The following MGMT variants were observed in gnomAD, a reference collection of about 807,000 sequenced individuals.
MGMT encodes the protein methylated-DNA--protein-cysteine methyltransferase.
A neutral mutation model predicts 15.9 loss-of-function variants in MGMT; 14 were observed. That is an observed-to-expected ratio of 0.88 (90% confidence interval 0.58 to 1.37). The LOEUF (loss-of-function observed/expected upper bound fraction) is 1.37, where lower values mean the gene tolerates loss of function less well. MGMT is among the 40% of genes most tolerant of loss of function. The probability of loss-of-function intolerance (pLI) is 0.00; values close to 1 mark genes in which losing one functional copy is unlikely to be tolerated. For missense variants in MGMT, 282 were observed against 268.1 expected, an observed-to-expected ratio of 1.05 and a Z score of -0.36; for synonymous variants, 130 against 118.2, an observed-to-expected ratio of 1.10 and a Z score of -0.65.
chr10:129,690,178 C>G (rs1219665148), intron 2 of MGMT, among the ~76,000 whole-genome samples: 5 of 152,208 alleles, frequency 3.3e-5, no homozygotes, highest in Non-Finnish European at 7.4e-5. Context: ...GTTTATATCA[C>G]ATATTTACTT....
At chr10:129,630,695 G>A (rs479478) in intron 2 of MGMT, among the ~76,000 whole-genome samples, 62,014 of 151,976 alleles carry the variant, frequency 0.41, 13,805 homozygotes, top group East Asian at 0.63. Context: ...CCGAGACGCC[G>A]TCTCTCAAGG....
intron 2 of MGMT, among the ~76,000 whole-genome samples, chr10:129,583,419 C>T (rs1192436459): frequency 6.6e-6 from 1 of 152,160 alleles, no homozygotes; most frequent in East Asian, 1.9e-4. Context: ...TTTTTGAAGG[C>T]AAATACTTTT....
chr10:129,639,589 C>T (rs902154806), intron 2 of MGMT, among the ~76,000 whole-genome samples: 2 of 152,100 alleles, frequency 1.3e-5, no homozygotes, highest in Non-Finnish European at 2.9e-5. Context: ...CTTAGTAACC[C>T]ATCATTCAAA....
At chr10:129,503,177 T>C (rs1429567328) in intron 1 of MGMT, among the ~76,000 whole-genome samples, 1 of 151,968 alleles carries the variant, frequency 6.6e-6, no homozygotes, top group East Asian at 1.9e-4. Context: ...TTATGAAGAA[T>C]GATGGATGAT....
At position 129,589,317 on chromosome 10, in the gene MGMT, G is replaced by A. The variant is rs143079627; in HGVS notation, c.125+52940G>A. ...TGGCTGGGGTGGGGACAAAGTGTGT[G>A]TTGTCCCTTCATCACGGGAGTGTGG... On this transcript the variant is annotated intron_variant, in intron 2 of 4. Coordinates refer to ENST00000651593, the MANE Select transcript of MGMT (RefSeq NM_002412.5). Among the ~76,000 whole-genome samples the A allele has an allele frequency of 4.5e-3, 681 of 152,332 alleles. 1 individual carries two copies. Among genetic ancestry groups the A allele is most frequent in the Non-Finnish European group, 5.9e-3 (403 of 68,044 alleles).
chr10:129,556,458 A>G lies in MGMT; in HGVS notation c.125+20081A>G, dbSNP rs564964126. Among the ~76,000 whole-genome samples, 2 of 152,230 alleles carry G rather than the reference A, an allele frequency of 1.3e-5. No individual in the cohort carries two copies. Among genetic ancestry groups the G allele is most frequent in the Non-Finnish European group, 2.9e-5 (2 of 68,012 alleles). On this transcript the variant is annotated intron_variant, in intron 2 of 4. Transcript: ENST00000651593. This position sits in a 1 kb window ranked among gnomAD's most constrained non-coding sequence, Gnocchi z 4.3. ...GCAAGCCAAGGAGAGAGCGCCTTGG[A>G]GAAAACCAGCTGTGCCTACACCTTG...
At chr10:129,526,680 A>G (rs2119738399) in intron 1 of MGMT, among the ~76,000 whole-genome samples, 1 of 152,242 alleles carries the variant, frequency 6.6e-6, no homozygotes. Context: ...GTGTGTTTTC[A>G]TTGCACAGGA....
At chr10:129,744,148 G>A (rs991716777) in intron 3 of MGMT, among the ~76,000 whole-genome samples, 11 of 152,220 alleles carry the variant, frequency 7.2e-5, no homozygotes, top group Admixed American at 1.3e-4. Flanking sequence ...TCCTTCTAGA[G>A]GCCAGGTTGT....
chr10:129,477,626 A>T (rs946335795), intron 1 of MGMT, among the ~76,000 whole-genome samples: 1 of 152,206 alleles, frequency 6.6e-6, no homozygotes. Context: ...GGACACAGCG[A>T]GGAGGAGGCT....
intron 1 of MGMT, among the ~76,000 whole-genome samples, chr10:129,534,324 G>T (rs1035976910): frequency 6.6e-6 from 1 of 152,244 alleles, no homozygotes; most frequent in African/African-American, 2.4e-5. Context: ...TGTTGAAGGA[G>T]TGTGATGTGG....
At chr10:129,757,723 A>G (rs1010692089) in intron 3 of MGMT, among the ~76,000 whole-genome samples, 1 of 152,206 alleles carries the variant, frequency 6.6e-6, no homozygotes, top group African/African-American at 2.4e-5. Context: ...AAATGACAGT[A>G]AACAGTGCAT....
chr10:129,680,694 C>G (rs969097847), intron 2 of MGMT, among the ~76,000 whole-genome samples: 1 of 152,216 alleles, frequency 6.6e-6, no homozygotes, highest in African/African-American at 2.4e-5. Flanking sequence ...CTCCTTTAAC[C>G]AGTCGTCAGG....
chr10:129,736,188 G>A (rs1848558727), intron 3 of MGMT, among the ~76,000 whole-genome samples: 1 of 144,780 alleles, frequency 6.9e-6, no homozygotes, highest in South Asian at 2.3e-4. Context: ...ATTAATGTGT[G>A]GGAGTCTAAG....
rs564452042 is a variant in MGMT at position 129,675,581 on chromosome 10, G to A, written c.126-32314G>A. 1.2e-4 allele frequency among the ~76,000 whole-genome samples: 18 copies of A among 152,220 alleles called. No homozygotes were observed. The East Asian group carries it at 3.1e-3, about 26-fold the overall frequency. On this transcript the variant is annotated intron_variant, in intron 2 of 4. Coordinates refer to ENST00000651593, the MANE Select transcript of MGMT (RefSeq NM_002412.5). Reference sequence around the variant, plus strand: ...AACAGAGCAGGAAGCCAGGAGTGGCGGGAACAACGCTTCAACCTTGGGCCT... The same window carrying A: ...AACAGAGCAGGAAGCCAGGAGTGGCAGGAACAACGCTTCAACCTTGGGCCT...
chr10:129,637,462 A>G (rs556934097), intron 2 of MGMT, among the ~76,000 whole-genome samples: 1 of 152,304 alleles, frequency 6.6e-6, no homozygotes, highest in African/African-American at 2.4e-5. Flanking sequence ...TGGCAGAATG[A>G]ACCACTTGAA....
chr10:129,746,706 G>A (rs922480321), intron 3 of MGMT, among the ~76,000 whole-genome samples: 1 of 152,040 alleles, frequency 6.6e-6, no homozygotes. Context: ...AACAAGCTGG[G>A]TATTTATCCC....
At chr10:129,652,452 G>A (rs1352887476) in intron 2 of MGMT, among the ~76,000 whole-genome samples, 2 of 152,260 alleles carry the variant, frequency 1.3e-5, no homozygotes, top group African/African-American at 2.4e-5. Flanking sequence ...CTGAGGGAAC[G>A]GAGGAGACTG....
intron 2 of MGMT, among the ~76,000 whole-genome samples, chr10:129,571,085 T>C (rs1464443309): frequency 6.6e-6 from 1 of 152,196 alleles, no homozygotes; most frequent in Non-Finnish European, 1.5e-5. Context: ...CTGTTGTTAG[T>C]GTATGAGCAC....
intron 2 of MGMT, among the ~76,000 whole-genome samples, chr10:129,658,294 C>T (rs1043735727): frequency 7.9e-5 from 12 of 152,212 alleles, no homozygotes; most frequent in South Asian, 4.2e-4. Context: ...TGACTAATGA[C>T]GAACAGCGTC....
Sources: gnomAD v4.1 joint callset for allele counts (sites outside exome capture counted in the v4.1 genomes callset) on GRCh38, gnomAD v4.1.1 for gene constraint, Gnocchi (gnomAD v3.1) non-coding constraint, MANE v1.5 for transcripts, NCBI Gene and HGNC (gene_info 2026-07-23, HGNC 2026-07-21) for gene names.